Variants in ORC3 observed in about 807,000 individuals in gnomAD.
The protein encoded by ORC3 is origin recognition complex subunit 3.
A neutral mutation model predicts 100.7 loss-of-function variants in ORC3; 78 were observed. The observed-to-expected ratio is 0.77, with a 90% confidence interval of 0.65 to 0.94. ORC3 has a LOEUF of 0.94. ORC3 is among the 40% of genes least tolerant of loss of function. The pLI, the probability that ORC3 is intolerant of heterozygous loss-of-function variation, is 0.00. For missense variants in ORC3, 789 were observed against 823.9 expected (o/e 0.96, Z 0.52); for synonymous variants, 295 against 289.3 (o/e 1.02, Z -0.20).
intron 16 of ORC3, among the ~76,000 whole-genome samples, chr6:87,658,456 C>A (rs1365336223): frequency 9.5e-4 from 127 of 133,238 alleles, no homozygotes; most frequent in South Asian, 1.6e-3. Context: ...GACTCCGTCT[C>A]AAAAAAAAAA....
At chr6:87,610,789 A>C (rs987488223) in intron 7 of ORC3, among the ~76,000 whole-genome samples, 2 of 145,982 alleles carry the variant, frequency 1.4e-5, no homozygotes, top group African/African-American at 5.2e-5. Flanking sequence ...TCCTGACCTC[A>C]TGATCCACCC....
intron 18 of ORC3, among the ~76,000 whole-genome samples, chr6:87,665,358 A>C (rs767199295): frequency 3.9e-5 from 6 of 152,240 alleles, no homozygotes; most frequent in Admixed American, 6.5e-5. Context: ...TGTCTTCAGA[A>C]TAGTATTACA....
intron 16 of ORC3, 121 bp from the exon 17 acceptor site, chr6:87,662,882 A>C (rs1737128889): frequency 3.9e-6 from 2 of 518,496 alleles, no homozygotes; most frequent in Admixed American, 4.2e-5. Context: ...GAGAGGATTG[A>C]CAAAAATGTT....
At chr6:87,618,289 A>T (rs1483523373) in intron 9 of ORC3, among the ~76,000 whole-genome samples, 1 of 152,168 alleles carries the variant, frequency 6.6e-6, no homozygotes. Context: ...GCATGCCTCT[A>T]ATCCCAGCTA....
intron 2 of ORC3, among the ~76,000 whole-genome samples, chr6:87,598,855 T>C (rs981408096): frequency 2.0e-5 from 3 of 152,214 alleles, no homozygotes; most frequent in African/African-American, 7.2e-5. Context: ...CTCTGCATTT[T>C]GCCCACCATC....
chr6:87,640,660 A>T (rs940695995), intron 13 of ORC3, among the ~76,000 whole-genome samples: 1 of 152,238 alleles, frequency 6.6e-6, no homozygotes, highest in African/African-American at 2.4e-5. Flanking sequence ...TCCTTATCAG[A>T]TGTGAAAGAC....
intron 13 of ORC3, among the ~76,000 whole-genome samples, chr6:87,648,527 G>A (rs527431612): frequency 6.6e-6 from 1 of 152,262 alleles, no homozygotes; most frequent in African/African-American, 2.4e-5. Context: ...AGCATGCTCA[G>A]TAAGAGCATG....
intron 12 of ORC3, among the ~76,000 whole-genome samples, chr6:87,635,712 G>T (rs1767764001): frequency 6.6e-6 from 1 of 151,824 alleles, no homozygotes; most frequent in South Asian, 2.1e-4. Flanking sequence ...CAGGAGGATG[G>T]CTTGAACCTG....
At chr6:87,675,578 C>G in the ORC3 span, 25 of 1,613,816 alleles carry the variant, frequency 1.5e-5, no homozygotes, top group Non-Finnish European at 2.0e-5. Flanking sequence ...AGGCAGCCCA[C>G]AAATGCAGGA....
chr6:87,667,265 T>C lies in ORC3; in HGVS notation c.*142T>C, dbSNP rs2307369. The stretch of plus-strand genomic sequence containing the variant: ...ATTGATGTTTAACCAGAAAAGTACA[T>C]TGCTAACCCCAAACAGGCATGTATC... On this transcript the variant is annotated 3_prime_UTR_variant, in exon 20 of 20. Coordinates refer to ENST00000392844, the MANE Select transcript of ORC3 (RefSeq NM_012381.4). 351 of 552,782 alleles carry C rather than the reference T, an allele frequency of 6.3e-4. No individual in the cohort carries two copies. Among genetic ancestry groups the C allele is most frequent in the African/African-American group, 6.3e-3 (330 of 52,300 alleles). The allele number at this position is 552,782 out of a possible 1,614,324, so 34.2% of individuals were successfully genotyped here. A position where few individuals can be genotyped will look rare whatever the true frequency, so the allele number is the denominator to read the frequency against.
At chr6:87,648,658 A>G (rs1768997056) in intron 13 of ORC3, among the ~76,000 whole-genome samples, 1 of 148,650 alleles carries the variant, frequency 6.7e-6, no homozygotes, top group Non-Finnish European at 1.5e-5. Flanking sequence ...CATGGGAATA[A>G]TAATAGTATT....
At chr6:87,657,196 CAT>C in intron 15 of ORC3, 1 of 404,296 alleles carries the variant, frequency 2.5e-6, no homozygotes, top group Admixed American at 4.2e-5. Flanking sequence ...TACTAGCTAA[CAT>C]AGGTGGAAAC....
At chr6:87,639,424 TC>T (rs1768058045) in intron 13 of ORC3, among the ~76,000 whole-genome samples, 1 of 152,138 alleles carries the variant, frequency 6.6e-6, no homozygotes, top group South Asian at 2.1e-4. Flanking sequence ...CCAACAACTC[TC>T]TTGCGTGTTA....
intron 12 of ORC3, 28 bp from the exon 13 acceptor site, chr6:87,636,379 T>C: frequency 7.0e-7 from 1 of 1,425,354 alleles, no homozygotes; most frequent in Non-Finnish European, 9.9e-7. Flanking sequence ...CACTTTTGGT[T>C]CCTCACAAAT....
intron 16 of ORC3, among the ~76,000 whole-genome samples, chr6:87,658,363 A>G (rs970917228): frequency 6.6e-6 from 1 of 151,966 alleles, no homozygotes; most frequent in Non-Finnish European, 1.5e-5. Context: ...AGGCTGAGGC[A>G]GGAGAATGGC....
chr6:87,644,490 T>C (rs931125648), intron 13 of ORC3, among the ~76,000 whole-genome samples: 1 of 151,978 alleles, frequency 6.6e-6, no homozygotes, highest in Admixed American at 6.6e-5. Flanking sequence ...GAGGATCACC[T>C]GAGTTCAGGA....
chr6:87,621,311 G>T, intron 9 of ORC3, 43 bp from the exon 10 acceptor site: 1 of 1,418,386 alleles, frequency 7.1e-7, no homozygotes. Flanking sequence ...TAGATTTACT[G>T]CCAAAATATA....
At chr6:87,618,953 G>A (rs886818204) in intron 9 of ORC3, among the ~76,000 whole-genome samples, 1 of 152,126 alleles carries the variant, frequency 6.6e-6, no homozygotes, top group African/African-American at 2.4e-5. Context: ...GGTTAATTTA[G>A]GGGTGTGTTA....
intron 14 of ORC3, among the ~76,000 whole-genome samples, chr6:87,654,422 CT>C (rs1562377514): frequency 6.6e-6 from 1 of 152,214 alleles, no homozygotes; most frequent in Non-Finnish European, 1.5e-5. Context: ...AACTCAACCA[CT>C]CTTCAGAACA....
Sources: allele counts gnomAD v4.1 joint callset (sites outside exome capture counted in the v4.1 genomes callset), GRCh38; gene constraint gnomAD v4.1.1; transcripts MANE v1.5; gene names NCBI Gene and HGNC (gene_info 2026-07-23, HGNC 2026-07-21).